Variants in FIG4 observed in about 807,000 individuals in gnomAD.
FIG4 encodes the protein FIG4 phosphoinositide 5-phosphatase.
Under a neutral mutation model 118.6 loss-of-function variants are expected in FIG4, and 112 were observed. The ratio of observed to expected loss-of-function variants is 0.94; its 90% CI spans 0.81 to 1.11. The LOEUF (loss-of-function observed/expected upper bound fraction) is 1.11. FIG4 is among the 50% of genes least tolerant of loss of function. FIG4 has a pLI of 0.00. For synonymous variants in FIG4, 369 were observed against 381.2 expected (o/e 0.97, Z 0.37); for missense variants, 969 against 1,111.7 (o/e 0.87, Z 1.83).
At chr6:109,757,329 C>T (rs776277124) in intron 10 of FIG4, among the ~76,000 whole-genome samples, 5 of 152,124 alleles carry the variant, frequency 3.3e-5, no homozygotes, top group Non-Finnish European at 5.9e-5. Flanking sequence ...AATCAATAAA[C>T]GTAATCCATC....
chr6:109,703,455 A>G (rs2128378738), intron 1 of FIG4, among the ~76,000 whole-genome samples: 1 of 152,314 alleles, frequency 6.6e-6, no homozygotes, highest in East Asian at 1.9e-4. Context: ...TACCATTGCC[A>G]GTTTAGGAGT....
At chr6:109,710,911 A>T (rs868242208) in intron 1 of FIG4, among the ~76,000 whole-genome samples, 5 of 147,974 alleles carry the variant, frequency 3.4e-5, no homozygotes, top group African/African-American at 7.4e-5. Flanking sequence ...TTAGTTTTTA[A>T]AAAAAAAAAA....
chr6:109,787,957 G>A (rs948110192), intron 18 of FIG4, among the ~76,000 whole-genome samples: 1 of 152,114 alleles, frequency 6.6e-6, no homozygotes, highest in Non-Finnish European at 1.5e-5. Flanking sequence ...CTTTACAATG[G>A]TGCAAAAGTT....
At chr6:109,734,406 T>C (rs1467561128) in intron 5 of FIG4, among the ~76,000 whole-genome samples, 2 of 150,380 alleles carry the variant, frequency 1.3e-5, no homozygotes, top group East Asian at 3.9e-4. Context: ...CACAACTATG[T>C]ATGTATGCAT....
intron 1 of FIG4, among the ~76,000 whole-genome samples, chr6:109,714,146 G>A (rs940074805): frequency 3.9e-5 from 6 of 152,166 alleles, no homozygotes; most frequent in Non-Finnish European, 7.3e-5. Flanking sequence ...TGTCTGTGAT[G>A]GTCAGGGAGT....
intron 1 of FIG4, among the ~76,000 whole-genome samples, chr6:109,710,742 C>A (rs527897371): frequency 2.0e-5 from 3 of 152,152 alleles, no homozygotes; most frequent in African/African-American, 7.2e-5. Context: ...TCTATTTCTT[C>A]TAGATTTTCT....
intron 22 of FIG4, among the ~76,000 whole-genome samples, chr6:109,811,331 G>T (rs550226420): frequency 3.7e-4 from 56 of 152,110 alleles, no homozygotes; most frequent in African/African-American, 1.3e-3. Context: ...GAAAGTCCTG[G>T]GTATCCATTA....
At chr6:109,698,539 T>C (rs1774806146) in intron 1 of FIG4, among the ~76,000 whole-genome samples, 1 of 152,246 alleles carries the variant, frequency 6.6e-6, no homozygotes, top group African/African-American at 2.4e-5. Flanking sequence ...TAGTACAAAG[T>C]TGAATAGAAG....
intron 14 of FIG4, among the ~76,000 whole-genome samples, chr6:109,765,759 A>AT (rs1398636226): frequency 6.6e-6 from 1 of 152,174 alleles, no homozygotes; most frequent in Non-Finnish European, 1.5e-5. Flanking sequence ...AAGGATTACT[A>AT]TTTCTTCACT....
intron 3 of FIG4, among the ~76,000 whole-genome samples, chr6:109,723,780 A>G (rs1164194994): frequency 6.6e-6 from 1 of 152,194 alleles, no homozygotes; most frequent in Admixed American, 6.5e-5. Context: ...TTTTGGATGG[A>G]AAGCCCAGAG....
intron 21 of FIG4, among the ~76,000 whole-genome samples, chr6:109,794,614 T>G (rs1778225713): frequency 6.6e-6 from 1 of 152,242 alleles, no homozygotes; most frequent in Non-Finnish European, 1.5e-5. Flanking sequence ...CACCCACTTT[T>G]GGCTCAGCTA....
intron 13 of FIG4, among the ~76,000 whole-genome samples, chr6:109,764,302 G>A (rs938741624): frequency 6.6e-6 from 1 of 152,022 alleles, no homozygotes; most frequent in Non-Finnish European, 1.5e-5. Flanking sequence ...TCCGGGCTTG[G>A]TGGCATGCAC....
At chr6:109,733,402 T>C (rs956446645) in intron 5 of FIG4, among the ~76,000 whole-genome samples, 1 of 152,176 alleles carries the variant, frequency 6.6e-6, no homozygotes, top group South Asian at 2.1e-4. Context: ...TTGTGATAGA[T>C]GGAAAATTCT....
intron 6 of FIG4, among the ~76,000 whole-genome samples, chr6:109,736,563 G>A (rs773436043): frequency 1.3e-5 from 2 of 152,128 alleles, no homozygotes; most frequent in Non-Finnish European, 2.9e-5. Flanking sequence ...GTCACAATTT[G>A]TAATACAAAA....
intron 16 of FIG4, among the ~76,000 whole-genome samples, chr6:109,782,459 TA>T (rs1163233349): frequency 6.6e-6 from 1 of 152,240 alleles, no homozygotes; most frequent in Non-Finnish European, 1.5e-5. Flanking sequence ...GTAATATTTT[TA>T]AAAAGTTTAT....
At position 109,713,362 on chromosome 6, in the gene FIG4, C is replaced by T. The variant is rs566759981; in HGVS notation, c.67-1716C>T. Among the ~76,000 whole-genome samples the T allele has an allele frequency of 3.3e-5, 5 of 152,246 alleles. No homozygotes were observed. In the South Asian group the frequency reaches 1.0e-3, roughly 32 times the overall value. On this transcript the variant is annotated intron_variant, in intron 1 of 22. Transcript: ENST00000230124. The stretch of plus-strand genomic sequence containing the variant: ...CTGTGCATGCAGTCATCATGGTGAT[C>T]CTGTTAGCACAGGGGCAGGGCACTG...
At chr6:109,816,202 T>C (rs552437335) in intron 22 of FIG4, among the ~76,000 whole-genome samples, 1 of 152,268 alleles carries the variant, frequency 6.6e-6, no homozygotes, top group South Asian at 2.1e-4. Context: ...GAACATCCAC[T>C]GGGCAGAGCA....
rs1778301118 is a variant in FIG4, at chr6:109,796,819, C to G, written c.2514C>G (p.Pro838=). 1 of 1,610,502 alleles carries G rather than the reference C, an allele frequency of 6.2e-7. No homozygotes were observed. Among genetic ancestry groups the G allele is most frequent in the African/African-American group, 1.3e-5 (1 of 74,958 alleles). The part of the protein sequence containing the change: ...QHKQDKNSQQ[P]CSRCSDGVIK... ...AACAAGACAAGAATAGCCAGCAGCC[C>G]TGTTCTAGGTGCTCAGATGGAGTTA... The change falls in exon 22 of 23, where the codon CCC becomes CCG. Residue 838 remains proline (P), a synonymous_variant. Transcript: ENST00000230124.
At chr6:109,792,211 C>G (rs1778154953) in intron 20 of FIG4, among the ~76,000 whole-genome samples, 1 of 152,178 alleles carries the variant, frequency 6.6e-6, no homozygotes, top group Non-Finnish European at 1.5e-5. Context: ...TGTGTTTACT[C>G]ATTGTATGTG....
Sources: allele counts gnomAD v4.1 joint callset (sites outside exome capture counted in the v4.1 genomes callset), GRCh38; gene constraint gnomAD v4.1.1; transcripts MANE v1.5; gene names NCBI Gene and HGNC (gene_info 2026-07-23, HGNC 2026-07-21).